CCNB1: variants seen among roughly 807,000 people sequenced by gnomAD.
CCNB1 encodes cyclin B1.
A neutral mutation model predicts 44.4 loss-of-function variants in CCNB1; 26 were observed. That is an observed-to-expected ratio of 0.59 (90% CI 0.43 to 0.81). The LOEUF is 0.81. Among genes scored for constraint, CCNB1 ranks in the 40% least tolerant of loss-of-function variants. The pLI is 0.00. For missense variants in CCNB1, 477 were observed against 520.9 expected, an observed-to-expected ratio of 0.92 and a Z score of 0.82; for synonymous variants, 195 against 181.4, an observed-to-expected ratio of 1.08 and a Z score of -0.60.
chr5:69,175,016 TCAGA>T lies in CCNB1; in HGVS notation c.850_853del (p.Gln284TrpfsTer3). 6.2e-7 allele frequency: 1 copy of T among 1,614,194 alleles called. No homozygotes were observed. The highest frequency in any genetic ancestry group is 1.1e-5 in the South Asian group (1 of 91,086). ...GACAACACTTATACTAAGCACCAAA[TCAGA>T]CAGATGGAAATGAAGATTCTAAGAG... On this transcript the variant is annotated frameshift_variant, in exon 6 of 9. Coordinates refer to ENST00000256442, the MANE Select transcript of CCNB1 (RefSeq NM_031966.4). LOFTEE classifies it high-confidence loss of function.
chr5:69,175,483 A>T lies in CCNB1; in HGVS notation c.1029A>T (p.Gln343His). ...ACATGGTGCACTTTCCTCCTTCTCA[A>T]ATTGCAGCAGGAGCTTTTTGCTTAG... ...DYDMVHFPPS[Q>H]IAAGAFCLAL... The change falls in exon 7 of 9, where the codon CAA (glutamine) becomes CAT (histidine). Residue 343 changes from glutamine to histidine, a missense_variant. Gln to His is a conservative substitution (Grantham distance 24). Transcript: ENST00000256442. The T allele has an allele frequency of 6.2e-7, 1 of 1,614,164 alleles. No homozygotes were observed. The highest frequency in any genetic ancestry group is 8.5e-7 in the Non-Finnish European group (1 of 1,180,008).
In CCNB1 at chr5:69,175,678, ATGTTTC is replaced by A. The variant is rs1211368394; in HGVS notation, c.1083+142_1083+147del. ...GAATAGTTAAAAAAGATGTCTTAGAATGTTTCCACATCTTTTTGTTTTTGAGACAAG... is the reference window on the plus strand; with the variant it reads ...GAATAGTTAAAAAAGATGTCTTAGAACACATCTTTTTGTTTTTGAGACAAG... On this transcript the variant is annotated intron_variant, in intron 7 of 8. Coordinates refer to ENST00000256442, the MANE Select transcript of CCNB1 (RefSeq NM_031966.4). The A allele has an allele frequency of 5.9e-4, 492 of 827,266 alleles. 2 individuals carry two copies. The East Asian group carries it at 0.012, about 19-fold the overall frequency. The allele number at this position is 827,266 out of a possible 1,614,324, so 51.2% of individuals were successfully genotyped here. A position where few individuals can be genotyped will look rare whatever the true frequency, so the allele number is the denominator to read the frequency against.
rs1747348749 is a variant in CCNB1, at chr5:69,167,160, G to A, written c.-103G>A. Reference sequence around the variant, plus strand: ...AGGCTGGCTCTTCTCGGCGTGCTGCGGCGGAACGGCTGTTGGTTTCTGCTG... The same window carrying A: ...AGGCTGGCTCTTCTCGGCGTGCTGCAGCGGAACGGCTGTTGGTTTCTGCTG... On this transcript the variant is annotated 5_prime_UTR_variant, in exon 1 of 9. Coordinates refer to ENST00000256442, the MANE Select transcript of CCNB1 (RefSeq NM_031966.4). 3 of 951,644 alleles carry A rather than the reference G, an allele frequency of 3.2e-6. No homozygotes were observed. The highest frequency in any genetic ancestry group is 4.7e-6 in the Non-Finnish European group (3 of 644,112). 59.0% of individuals were successfully genotyped at this position (951,644 alleles called of 1,614,324 possible). A position where few individuals can be genotyped will look rare whatever the true frequency, so the allele number is the denominator to read the frequency against.
intron 3 of CCNB1, 71 bp downstream of exon 3, chr5:69,168,414 AG>A: frequency 7.8e-6 from 12 of 1,546,436 alleles, no homozygotes; most frequent in Non-Finnish European, 1.1e-5. Flanking sequence ...TACATGCAAG[AG>A]CATTCAAATG....
chr5:69,173,710 G>C (rs147633887), intron 4 of CCNB1, among the ~76,000 whole-genome samples: 109 of 152,232 alleles, frequency 7.2e-4, no homozygotes, highest in African/African-American at 2.6e-3. Context: ...GAAGAATATC[G>C]TAAGACCTGA....
At chr5:69,175,980 A>AAAATATATAT (rs1491229705) in intron 7 of CCNB1, among the ~76,000 whole-genome samples, 26 of 79,178 alleles carry the variant, frequency 3.3e-4, no homozygotes, top group Non-Finnish European at 2.1e-4. Context: ...AAAAATATAT[A>AAAATATATAT]AAATATATAT....
rs978824676 is a variant in CCNB1 at position 69,171,522 on chromosome 5, T to C, written c.546+70T>C. On this transcript the variant is annotated intron_variant, in intron 4 of 8. Coordinates refer to ENST00000256442, the MANE Select transcript of CCNB1 (RefSeq NM_031966.4). ...ATGAAAGTATTTTCCATCAATAGTT[T>C]ATAATAATACAAGCAGGACGTGGGC... The C allele has an allele frequency of 7.0e-6, 8 of 1,147,086 alleles. No individual in the cohort carries two copies. In the South Asian group the frequency reaches 1.2e-4, roughly 17 times the overall value. The allele number at this position is 1,147,086 out of a possible 1,614,324, so 71.1% of individuals were successfully genotyped here. A position where few individuals can be genotyped will look rare whatever the true frequency, so the allele number is the denominator to read the frequency against.
At chr5:69,170,510 A>C (rs1410310229) in intron 3 of CCNB1, among the ~76,000 whole-genome samples, 1 of 152,182 alleles carries the variant, frequency 6.6e-6, no homozygotes, top group Non-Finnish European at 1.5e-5. Context: ...AAGACTAAAG[A>C]CTGAATTGTC....
intron 3 of CCNB1, 73 bp downstream of exon 3, chr5:69,168,416 C>A: frequency 6.5e-7 from 1 of 1,527,012 alleles, no homozygotes; most frequent in Non-Finnish European, 9.0e-7. Context: ...CATGCAAGAG[C>A]ATTCAAATGA....
At chr5:69,167,833 T>C (rs2112044709) in intron 1 of CCNB1, 75 bp from the exon 2 acceptor site, 3 of 1,346,452 alleles carry the variant, frequency 2.2e-6, no homozygotes, top group African/African-American at 1.5e-5. Flanking sequence ...CTTCTCCTTG[T>C]GCCCCACCTT....
chr5:69,167,364 G>GC, intron 1 of CCNB1, 81 bp downstream of exon 1: 4 of 1,529,894 alleles, frequency 2.6e-6, no homozygotes. Flanking sequence ...GGAGCCTCCC[G>GC]AGCGGGAGAG....
At chr5:69,173,185 T>C (rs1747502448) in intron 4 of CCNB1, among the ~76,000 whole-genome samples, 1 of 152,042 alleles carries the variant, frequency 6.6e-6, no homozygotes, top group Non-Finnish European at 1.5e-5. Flanking sequence ...GGCAGATAAA[T>C]GGAGTTTGCT....
At chr5:69,176,004 T>C (rs1260574822) in intron 7 of CCNB1, among the ~76,000 whole-genome samples, 1 of 140,872 alleles carries the variant, frequency 7.1e-6, no homozygotes, top group African/African-American at 2.7e-5. Flanking sequence ...TATATATATA[T>C]ATATATATAT....
chr5:69,172,662 C>T (rs1025449559), intron 4 of CCNB1, among the ~76,000 whole-genome samples: 3 of 151,870 alleles, frequency 2.0e-5, no homozygotes, highest in African/African-American at 7.3e-5. Context: ...TGCAAGACTT[C>T]TTTGCCAGGA....
Position 69,177,846 on chromosome 5 carries a change from G to C in CCNB1, c.*215G>C. ...GGGATATTTTTAAAAACTCCTTTTG[G>C]TTTACCTGGGGATCCAATTGATGTA... is the stretch of plus-strand genomic sequence containing the variant. On this transcript the variant is annotated 3_prime_UTR_variant, in exon 9 of 9. Coordinates refer to ENST00000256442, the MANE Select transcript of CCNB1 (RefSeq NM_031966.4). 5 of 470,130 alleles carry C rather than the reference G, an allele frequency of 1.1e-5. No individual in the cohort carries two copies. The highest frequency in any genetic ancestry group is 1.9e-5 in the Non-Finnish European group (5 of 264,950). 29.1% of individuals were successfully genotyped at this position (470,130 alleles called of 1,614,324 possible).
intron 4 of CCNB1, among the ~76,000 whole-genome samples, chr5:69,171,687 C>T (rs968869121): frequency 6.6e-6 from 1 of 152,108 alleles, no homozygotes; most frequent in African/African-American, 2.4e-5. Flanking sequence ...CTATCGCTTT[C>T]TAAAGGAAAA....
At chr5:69,171,215 C>T (rs781442225) in intron 3 of CCNB1, 55 bp from the exon 4 acceptor site, 120 of 1,396,614 alleles carry the variant, frequency 8.6e-5, no homozygotes, top group Non-Finnish European at 1.1e-4. Context: ...AACTTCATGC[C>T]CAAACTATAG....
chr5:69,176,527 T>TAC (rs1747594858), intron 7 of CCNB1, among the ~76,000 whole-genome samples: 1 of 124,488 alleles, frequency 8.0e-6, no homozygotes, highest in Non-Finnish European at 1.6e-5. Flanking sequence ...CGGCTAATTT[T>TAC]ATATATATAT....
intron 7 of CCNB1, chr5:69,176,968 T>C (rs1390052375): frequency 3.1e-5 from 8 of 256,780 alleles, no homozygotes; most frequent in African/African-American, 7.0e-5. Flanking sequence ...AGACTCCATC[T>C]CAAAAAAAAA....
Sources: gnomAD v4.1 joint callset for allele counts (sites outside exome capture counted in the v4.1 genomes callset) on GRCh38, gnomAD v4.1.1 for gene constraint, MANE v1.5 for transcripts, NCBI Gene and HGNC (gene_info 2026-07-23, HGNC 2026-07-21) for gene names.